GFM1: variants seen among roughly 807,000 people sequenced by gnomAD.
GFM1 encodes G elongation factor mitochondrial 1.
In GFM1, 62 loss-of-function variants were observed where a neutral mutation model predicts 96.2. The observed-to-expected ratio is 0.64, with a 90% CI of 0.53 to 0.80. The LOEUF is 0.80. Ranked by LOEUF, GFM1 falls within the 30% of genes least tolerant of loss-of-function variation. GFM1 has a pLI of 0.00. For synonymous variants in GFM1, 282 were observed against 312.9 expected (o/e 0.90, Z 1.04); for missense variants, 852 against 916.6 (o/e 0.93, Z 0.91).
At chr3:158,681,386 G>T (rs962296879) in intron 13 of GFM1, among the ~76,000 whole-genome samples, 1 of 152,116 alleles carries the variant, frequency 6.6e-6, no homozygotes, top group Non-Finnish European at 1.5e-5. Flanking sequence ...TATTAATGTT[G>T]CCATTAGTGG....
rs139549715 is a variant in GFM1 at position 158,674,699 on chromosome 3, A to T, written c.1602-7296A>T. 8.0e-4 allele frequency among the ~76,000 whole-genome samples: 122 copies of T among 152,276 alleles called. 1 individual carries two copies. The East Asian group carries it at 0.01, about 13-fold the overall frequency. ...TTATTAATAACATGGCTTATATTTA[A>T]GCTTTTTCCTCTCTCCTTGAAAAGA... On this transcript the variant is annotated intron_variant, in intron 13 of 17. Transcript: ENST00000486715.
At chr3:158,667,219 A>T in intron 13 of GFM1, 1 of 908,124 alleles carries the variant, frequency 1.1e-6, no homozygotes. Context: ...ATTTCAATTT[A>T]ATGTGACAAA....
At chr3:158,690,810 T>G (rs905177236) in intron 16 of GFM1, among the ~76,000 whole-genome samples, 1 of 152,218 alleles carries the variant, frequency 6.6e-6, no homozygotes, top group Non-Finnish European at 1.5e-5. Flanking sequence ...AAAGTCGTAT[T>G]CACATTTTCT....
At chr3:158,690,655 C>A (rs1034812740) in intron 16 of GFM1, 9 of 341,026 alleles carry the variant, frequency 2.6e-5, no homozygotes, top group African/African-American at 1.9e-4. Flanking sequence ...TGCATAATTA[C>A]TTTATTGTTA....
Position 158,693,498 on chromosome 3 carries a change from G to C in GFM1, c.*2031G>C, listed in dbSNP as rs1174515443. ...ATAGGTAATGATTCAGGCCTAGCTG[G>C]TGGGAGTAATTAGAATAGGTTCACA... On this transcript the variant is annotated 3_prime_UTR_variant, in exon 18 of 18. Coordinates refer to ENST00000486715, the MANE Select transcript of GFM1 (RefSeq NM_024996.7). The C allele has an allele frequency of 6.6e-6, 1 of 152,182 alleles. No homozygotes were observed. Among genetic ancestry groups the C allele is most frequent in the African/African-American group, 2.4e-5 (1 of 41,432 alleles). The allele number at this position is 152,182 out of a possible 1,614,324, so 9.4% of individuals were successfully genotyped here. A position where few individuals can be genotyped will look rare whatever the true frequency, so the allele number is the denominator to read the frequency against.
At chr3:158,677,129 G>A (rs1724972040) in intron 13 of GFM1, among the ~76,000 whole-genome samples, 1 of 152,140 alleles carries the variant, frequency 6.6e-6, no homozygotes, top group Non-Finnish European at 1.5e-5. Context: ...GGTGATTTCT[G>A]ATGTTATTGT....
rs778139671 is a variant in GFM1, at chr3:158,660,980, G to A, written c.1323+5G>A. 10 of 1,607,416 alleles carry A rather than the reference G, an allele frequency of 6.2e-6. No homozygotes were observed. The South Asian group carries it at 1.1e-4, about 18-fold the overall frequency. ...GCCAACAGCGGCCTTTCTATGGTAA[G>A]CCATTTAATTTCAAAGCTACTTATC... On this transcript the variant is annotated splice_donor_5th_base_variant and intron_variant, in intron 10 of 17. Coordinates refer to ENST00000486715, the MANE Select transcript of GFM1 (RefSeq NM_024996.7).
intron 8 of GFM1, among the ~76,000 whole-genome samples, chr3:158,658,257 C>G (rs1406571227): frequency 2.0e-5 from 3 of 150,070 alleles, no homozygotes; most frequent in East Asian, 2.0e-4. Context: ...ACCTCCGCCT[C>G]CTGGGTTTAA....
chr3:158,644,970 C>A, intron 1 of GFM1: 1 of 391,222 alleles, frequency 2.6e-6, no homozygotes. Flanking sequence ...TTTTATCCAC[C>A]TTTTCTAAGG....
rs370161147 is a variant in GFM1 at position 158,675,310 on chromosome 3, A to AAAAAAGG, written c.1602-6685_1602-6684insAAAAAGG. Among the ~76,000 whole-genome samples the AAAAAAGG allele has an allele frequency of 2.7e-4, 31 of 114,052 alleles. 6 individuals carry two copies. The highest frequency in any genetic ancestry group is 5.0e-4 in the African/African-American group (14 of 28,276). 74.8% of individuals were successfully genotyped at this position (114,052 alleles called of 152,430 possible). On this transcript the variant is annotated intron_variant, in intron 13 of 17. Transcript: ENST00000486715. ...CAAAAAAAAAAAAAAAAAAAAAAAA[A>AAAAAAGG]CAAGTTTTCAAGATAAAAGAGGAGC...
At chr3:158,662,569 C>T (rs1723275959) in intron 10 of GFM1, 59 bp from the exon 11 acceptor site, 2 of 949,098 alleles carry the variant, frequency 2.1e-6, no homozygotes, top group Non-Finnish European at 3.5e-6. Context: ...ATTAATCTAT[C>T]CCTGACCCAT....
Position 158,646,891 on chromosome 3 carries a change from T to C in GFM1, c.516T>C (p.Phe172=), listed in dbSNP as rs921998143. 6.2e-7 allele frequency: 1 copy of C among 1,614,000 alleles called. No homozygotes were observed. Among genetic ancestry groups the C allele is most frequent in the Non-Finnish European group, 8.5e-7 (1 of 1,180,020 alleles). Residue 172 remains phenylalanine, a synonymous_variant, in exon 4 of 18, where the codon TTT becomes TTC. Transcript: ENST00000486715. ...GCTACAACGTTCCGTTTCTAACTTT[T>C]ATTAACAAATTGGACCGAATGGGCT... is the stretch of plus-strand genomic sequence containing the variant. ...MKRYNVPFLT[F]INKLDRMGSN... is the part of the protein sequence containing the mutation.
At chr3:158,691,306 A>AT (rs1482871571) in intron 17 of GFM1, 30 bp from the exon 18 acceptor site, 1 of 1,613,334 alleles carries the variant, frequency 6.2e-7, no homozygotes, top group Admixed American at 1.7e-5. Flanking sequence ...CAAACAAACA[A>AT]AAAACCCTCT....
intron 4 of GFM1, 93 bp downstream of exon 4, chr3:158,647,040 T>C: frequency 1.0e-6 from 1 of 991,970 alleles, no homozygotes; most frequent in Non-Finnish European, 1.6e-6. Flanking sequence ...CATTAAACTT[T>C]ATTCTTAAAT....
intron 16 of GFM1, 175 bp downstream of exon 16, chr3:158,690,498 GATTT>G: frequency 1.6e-6 from 1 of 621,046 alleles, no homozygotes; most frequent in Non-Finnish European, 2.8e-6. Flanking sequence ...TTAAAAATAA[GATTT>G]ATTTTATCTT....
At chr3:158,664,539 C>T (rs1451846100) in intron 11 of GFM1, among the ~76,000 whole-genome samples, 1 of 152,272 alleles carries the variant, frequency 6.6e-6, no homozygotes. Context: ...TCTTCAGTGC[C>T]GTCAACAGCT....
intron 4 of GFM1, among the ~76,000 whole-genome samples, chr3:158,648,567 A>G (rs1202466700): frequency 1.3e-5 from 2 of 151,776 alleles, no homozygotes; most frequent in Non-Finnish European, 2.9e-5. Flanking sequence ...AGTCCCAGCT[A>G]CTCGGGAGGC....
intron 15 of GFM1, among the ~76,000 whole-genome samples, chr3:158,687,913 T>A (rs543691476): frequency 6.6e-6 from 1 of 152,272 alleles, no homozygotes; most frequent in Non-Finnish European, 1.5e-5. Context: ...CTTGCCACAC[T>A]CAGCAAGAAA....
At chr3:158,680,131 G>C (rs1725241351) in intron 13 of GFM1, among the ~76,000 whole-genome samples, 1 of 151,994 alleles carries the variant, frequency 6.6e-6, no homozygotes, top group African/African-American at 2.4e-5. Context: ...AAACAATGTG[G>C]CCCTGACATA....
Sources: allele counts gnomAD v4.1 joint callset (sites outside exome capture counted in the v4.1 genomes callset), GRCh38; gene constraint gnomAD v4.1.1; transcripts MANE v1.5; gene names NCBI Gene and HGNC (gene_info 2026-07-23, HGNC 2026-07-21).